Variants in LALBA observed in about 807,000 individuals in gnomAD.
LALBA encodes the protein alpha-lactalbumin.
LALBA carries 12 observed loss-of-function variants against 13.4 expected under a neutral mutation model. That is an observed-to-expected ratio of 0.89 (90% confidence interval 0.57 to 1.45). LALBA has a LOEUF of 1.45. Ranked by LOEUF, LALBA falls within the 40% of genes most tolerant of loss-of-function variation. The pLI, the probability that LALBA is intolerant of heterozygous loss-of-function variation, is 0.00. For synonymous variants in LALBA, 64 were observed against 61.0 expected (o/e 1.05, Z -0.23); for missense variants, 145 against 165.9 (o/e 0.87, Z 0.69).
Position 48,569,868 on chromosome 12 carries a change from C to G in LALBA, c.133+20G>C, listed in dbSNP as rs747182757. ...AGAAGCGTATGAGGAATGGATGAAA[C>G]ACAGAGGCAGGGAACTCACATTCAG... is the stretch of plus-strand genomic sequence containing the variant. On this transcript the variant is annotated intron_variant, in intron 1 of 3. Transcript: ENST00000301046. 1 of 1,612,634 alleles carries G rather than the reference C, an allele frequency of 6.2e-7. No individual in the cohort carries two copies. Among genetic ancestry groups the G allele is most frequent in the African/African-American group, 1.3e-5 (1 of 74,832 alleles).
upstream of LALBA, among the ~76,000 whole-genome samples, chr12:48,570,915 T>C (rs529595913): frequency 6.8e-6 from 1 of 147,730 alleles, no homozygotes; most frequent in South Asian, 2.1e-4. Flanking sequence ...AGGTCGAGGC[T>C]GCAGTGAGCC....
At chr12:48,568,116 A>G (rs1938589993) in intron 3 of LALBA, 99 bp from the exon 4 acceptor site, 2 of 918,070 alleles carry the variant, frequency 2.2e-6, no homozygotes, top group South Asian at 2.8e-5. Flanking sequence ...AGAATTACAG[A>G]AAGACATTCC....
upstream of LALBA, among the ~76,000 whole-genome samples, chr12:48,571,766 C>T (rs1275157670): frequency 6.6e-6 from 1 of 152,140 alleles, no homozygotes; most frequent in Non-Finnish European, 1.5e-5. Flanking sequence ...ATCGTTATCT[C>T]CTACATGTAT....
At chr12:48,571,314 G>A (rs1938629979), upstream of LALBA, among the ~76,000 whole-genome samples, 1 of 151,250 alleles carries the variant, frequency 6.6e-6, no homozygotes. Context: ...GTGACAAGTA[G>A]CTCTTAGCTC....
chr12:48,569,490 G>T (rs1282910572), intron 1 of LALBA, among the ~76,000 whole-genome samples: 1 of 152,158 alleles, frequency 6.6e-6, no homozygotes, highest in Non-Finnish European at 1.5e-5. Context: ...GAGGAGGGCG[G>T]ATCACCTGAG....
chr12:48,570,167 G>GA, upstream of LALBA: 1 of 792,966 alleles, frequency 1.3e-6, no homozygotes, highest in Non-Finnish European at 2.0e-6. Context: ...CAGAAACGCT[G>GA]AGCCTGCCAG....
At chr12:48,570,733 G>A (rs965726387), upstream of LALBA, among the ~76,000 whole-genome samples, 13 of 151,934 alleles carry the variant, frequency 8.6e-5, no homozygotes, top group Non-Finnish European at 1.5e-4. Context: ...CTGTAATCCC[G>A]GCATTTTGGG....
upstream of LALBA, among the ~76,000 whole-genome samples, chr12:48,570,332 A>G (rs1292305507): frequency 6.6e-6 from 1 of 152,112 alleles, no homozygotes; most frequent in South Asian, 2.1e-4. Context: ...GGTTCTGGGA[A>G]GCACTGTCTC....
rs754929238 is a variant in LALBA at position 48,569,975 on chromosome 12, C to T, written c.46G>A (p.Ala16Thr). 5 of 1,613,886 alleles carry T rather than the reference C, an allele frequency of 3.1e-6. No individual in the cohort carries two copies. The highest frequency in any genetic ancestry group is 1.3e-5 in the African/African-American group (1 of 74,860). Residue 16 changes from alanine (A) to threonine (T), a missense_variant, in exon 1 of 4, where the codon GCC becomes ACC. By Grantham distance (58) the Ala-to-Thr change is moderately conservative. Transcript: ENST00000301046. ...TTTGTGAATTGCTTGGCCAGGATGG[C>T]AGGGAACAGGATGCCCACCAGGAAC... Reference protein sequence around the residue: ...PLFLVGILFPAILAKQFTKCE... With the variant: ...PLFLVGILFPTILAKQFTKCE...
chr12:48,570,110 A>G, upstream of LALBA: 1 of 1,378,888 alleles, frequency 7.3e-7, no homozygotes, highest in South Asian at 1.2e-5. Flanking sequence ...TCTGGTACCA[A>G]GCCCTACATC....
chr12:48,570,174 C>T (rs944540276), upstream of LALBA: 10 of 745,546 alleles, frequency 1.3e-5, no homozygotes, highest in South Asian at 7.4e-5. Flanking sequence ...GCTGAGCCTG[C>T]CAGCTTCCTT....
upstream of LALBA, among the ~76,000 whole-genome samples, chr12:48,571,534 GTTACCA>G (rs1292323368): frequency 1.3e-5 from 2 of 151,836 alleles, no homozygotes; most frequent in African/African-American, 4.8e-5. Flanking sequence ...ACAGGCACGT[GTTACCA>G]TGCCCGGTTA....
intron 3 of LALBA, 76 bp from the exon 4 acceptor site, chr12:48,568,093 A>C (rs1018167761): frequency 3.8e-5 from 43 of 1,145,060 alleles, no homozygotes; most frequent in Non-Finnish European, 5.3e-5. Context: ...GCTGAAGTGG[A>C]AGAGCGTGGA....
chr12:48,569,375 G>A (rs1938604843), intron 1 of LALBA, 135 bp from the exon 2 acceptor site: 1 of 720,634 alleles, frequency 1.4e-6, no homozygotes, highest in Non-Finnish European at 2.3e-6. Context: ...TGATGAGATG[G>A]AGAATTCCAA....
chr12:48,571,089 G>C (rs1457933820), upstream of LALBA, among the ~76,000 whole-genome samples: 2 of 150,944 alleles, frequency 1.3e-5, no homozygotes, highest in Admixed American at 1.3e-4. Context: ...CTGGCATTGA[G>C]ACATTACATA....
At chr12:48,568,050 G>C (rs773186986) in intron 3 of LALBA, 33 bp from the exon 4 acceptor site, 1 of 1,522,770 alleles carries the variant, frequency 6.6e-7, no homozygotes, top group Admixed American at 1.9e-5. Flanking sequence ...AGGTGAGTTA[G>C]CTGACTGAAT....
chr12:48,571,654 G>A (rs1398681075), upstream of LALBA, among the ~76,000 whole-genome samples: 2 of 152,048 alleles, frequency 1.3e-5, no homozygotes, highest in African/African-American at 4.8e-5. Context: ...GCCTCCCAAA[G>A]TGCTAGGATT....
chr12:48,569,326 T>G, intron 1 of LALBA, 86 bp from the exon 2 acceptor site: 1 of 1,157,414 alleles, frequency 8.6e-7, no homozygotes, highest in Non-Finnish European at 1.2e-6. Context: ...AAAAATGCTT[T>G]CCAGCCAATC....
In LALBA at chr12:48,569,968, A is replaced by G. The variant is rs894301578; in HGVS notation, c.53T>C (p.Leu18Pro). Residue 18 changes from leucine (L) to proline (P), a missense_variant, in exon 1 of 4, where the codon CTG (leucine) becomes CCG (proline). Coordinates refer to ENST00000301046, the MANE Select transcript of LALBA (RefSeq NM_002289.3). Reference sequence around the variant, plus strand: ...CTCACATTTTGTGAATTGCTTGGCCAGGATGGCAGGGAACAGGATGCCCAC... The same window carrying G: ...CTCACATTTTGTGAATTGCTTGGCCGGGATGGCAGGGAACAGGATGCCCAC... ...FLVGILFPAI[L>P]AKQFTKCELS... 2 of 1,614,030 alleles carry G rather than the reference A, an allele frequency of 1.2e-6. No homozygotes were observed. The highest frequency in any genetic ancestry group is 2.7e-5 in the African/African-American group (2 of 74,918).
Sources: allele counts gnomAD v4.1 joint callset (sites outside exome capture counted in the v4.1 genomes callset), GRCh38; gene constraint gnomAD v4.1.1; transcripts MANE v1.5; gene names NCBI Gene and HGNC (gene_info 2026-07-23, HGNC 2026-07-21).